The following RPL38 variants were observed in gnomAD, a reference collection of about 807,000 sequenced individuals.
RPL38 encodes the protein ribosomal protein L38, also known as large ribosomal subunit protein eL38.
RPL38 carries 2 observed loss-of-function variants against 12.8 expected under a neutral mutation model. The observed-to-expected ratio is 0.16, with a 90% CI of 0.06 to 0.49. RPL38 has a LOEUF of 0.49. RPL38 is among the 20% of genes least tolerant of loss of function. The pLI, the probability that RPL38 is intolerant of heterozygous loss-of-function variation, is 0.96. For missense variants in RPL38, 52 were observed against 79.8 expected (o/e 0.65, Z 1.33); for synonymous variants, 42 against 30.1 (o/e 1.39, Z -1.29).
intron 3 of RPL38, 136 bp from the exon 4 acceptor site, chr17:74,209,051 G>T: frequency 2.3e-6 from 2 of 879,636 alleles, no homozygotes; most frequent in Non-Finnish European, 1.8e-6. Flanking sequence ...AGTGTTTTCT[G>T]TTTGCACAGA....
intron 4 of RPL38, 97 bp from the exon 5 acceptor site, chr17:74,209,707 C>T (rs2050147315): frequency 4.8e-6 from 5 of 1,032,718 alleles, no homozygotes; most frequent in Non-Finnish European, 7.5e-6. Context: ...ATTTCTGAAC[C>T]TTGTGTGCTC....
chr17:74,206,876 C>G (rs1001476525), intron 3 of RPL38, among the ~76,000 whole-genome samples: 4 of 150,780 alleles, frequency 2.7e-5, no homozygotes, highest in Non-Finnish European at 3.0e-5. Flanking sequence ...CCATGCCGGG[C>G]TAATTTTTTT....
At chr17:74,204,432 C>A (rs1372991618) in intron 3 of RPL38, 1 of 535,830 alleles carries the variant, frequency 1.9e-6, no homozygotes, top group Non-Finnish European at 3.3e-6. Context: ...GCCCTGAGTT[C>A]AGTTTTCTTT....
At chr17:74,204,549 A>G (rs1429436584) in intron 3 of RPL38, 1 of 305,328 alleles carries the variant, frequency 3.3e-6, no homozygotes, top group African/African-American at 2.2e-5. Flanking sequence ...CAAAATCTTA[A>G]CACAAAATCC....
chr17:74,204,612 C>G (rs2050094508), intron 3 of RPL38: 1 of 237,160 alleles, frequency 4.2e-6, no homozygotes, highest in East Asian at 1.1e-4. Flanking sequence ...GCACGGCACA[C>G]TGTGTAGTAT....
intron 2 of RPL38, 70 bp downstream of exon 2, chr17:74,204,028 C>G: frequency 1.2e-6 from 2 of 1,611,618 alleles, no homozygotes. Context: ...GGCGAGAGAG[C>G]CTCCCAAGGA....
chr17:74,209,001 G>T (rs1302009662), intron 3 of RPL38, among the ~76,000 whole-genome samples, 186 bp from the exon 4 acceptor site: 1 of 152,142 alleles, frequency 6.6e-6, no homozygotes, highest in Non-Finnish European at 1.5e-5. Flanking sequence ...GTTGTGTTCA[G>T]TGTACCCAAT....
chr17:74,209,994 T>C lies in RPL38; in HGVS notation c.*165T>C, dbSNP rs567147030. 4.2e-4 allele frequency: 242 copies of C among 574,000 alleles called. 1 individual carries two copies. Among genetic ancestry groups the C allele is most frequent in the East Asian group, 2.1e-3 (71 of 33,212 alleles). 35.6% of individuals were successfully genotyped at this position (574,000 alleles called of 1,614,324 possible). A position where few individuals can be genotyped will look rare whatever the true frequency, so the allele number is the denominator to read the frequency against. ...TTCCTGTGTCTTTTTTTTTTTTTTT[T>C]TTTCTTTCTTTGAGACGGAGTCTTG... On this transcript the variant is annotated 3_prime_UTR_variant, in exon 5 of 5. Transcript: ENST00000311111.
chr17:74,206,006 CGA>C (rs2050110214), intron 3 of RPL38: 1 of 151,932 alleles, frequency 6.6e-6, no homozygotes, highest in African/African-American at 2.4e-5. Context: ...GGTGACAGAG[CGA>C]GACTGTCTCA....
At chr17:74,208,271 A>T (rs1567804548) in intron 3 of RPL38, among the ~76,000 whole-genome samples, 1 of 152,198 alleles carries the variant, frequency 6.6e-6, no homozygotes, top group Admixed American at 6.5e-5. Flanking sequence ...TACTCCTGGG[A>T]AGGGGTTGTC....
intron 3 of RPL38, chr17:74,205,581 G>C (rs2050105717): frequency 6.6e-6 from 1 of 152,202 alleles, no homozygotes; most frequent in Admixed American, 6.5e-5. Context: ...CTGTTGGCTA[G>C]TGTTTTGTGT....
At chr17:74,205,026 G>T (rs2050099548) in intron 3 of RPL38, 1 of 152,184 alleles carries the variant, frequency 6.6e-6, no homozygotes, top group Non-Finnish European at 1.5e-5. Context: ...AATGTATATC[G>T]CATTACCACC....
Position 74,209,975 on chromosome 17 carries a change from T to A in RPL38, c.*146T>A. 1.9e-6 allele frequency: 1 copy of A among 516,196 alleles called. No homozygotes were observed. Among genetic ancestry groups the A allele is most frequent in the Non-Finnish European group, 3.3e-6 (1 of 299,552 alleles). 32.0% of individuals were successfully genotyped at this position (516,196 alleles called of 1,614,324 possible). A position where few individuals can be genotyped will look rare whatever the true frequency, so the allele number is the denominator to read the frequency against. On this transcript the variant is annotated 3_prime_UTR_variant, in exon 5 of 5. Coordinates refer to ENST00000311111, the MANE Select transcript of RPL38 (RefSeq NM_000999.4). ...CGCGGGTTCTGTTGCTGCCTTCCTG[T>A]GTCTTTTTTTTTTTTTTTTTTTCTT...
chr17:74,209,977 TC>T lies in RPL38; in HGVS notation c.*149del, dbSNP rs2050150768. On this transcript the variant is annotated 3_prime_UTR_variant, in exon 5 of 5. Transcript: ENST00000311111. ...CGGGTTCTGTTGCTGCCTTCCTGTG[TC>T]TTTTTTTTTTTTTTTTTTTCTTTCT... The T allele has an allele frequency of 9.8e-5, 49 of 500,322 alleles. No individual in the cohort carries two copies. The highest frequency in any genetic ancestry group is 3.2e-4 in the Middle Eastern group (1 of 3,120). The allele number at this position is 500,322 out of a possible 1,614,324, so 31.0% of individuals were successfully genotyped here. A position where few individuals can be genotyped will look rare whatever the true frequency, so the allele number is the denominator to read the frequency against.
intron 3 of RPL38, among the ~76,000 whole-genome samples, chr17:74,208,585 G>A (rs577729053): frequency 6.6e-6 from 1 of 152,274 alleles, no homozygotes; most frequent in African/African-American, 2.4e-5. Context: ...GCTGAAAAGC[G>A]CTCAGTCCCA....
At chr17:74,204,877 G>A (rs1437010036) in intron 3 of RPL38, 1 of 152,046 alleles carries the variant, frequency 6.6e-6, no homozygotes, top group Non-Finnish European at 1.5e-5. Context: ...TAGAGACAGA[G>A]TTTCACCATG....
In RPL38 at chr17:74,210,016, C is replaced by G; in HGVS notation, c.*187C>G. 1 of 528,594 alleles carries G rather than the reference C, an allele frequency of 1.9e-6. No individual in the cohort carries two copies. Among genetic ancestry groups the G allele is most frequent in the South Asian group, 2.3e-5 (1 of 42,684 alleles). 32.7% of individuals were successfully genotyped at this position (528,594 alleles called of 1,614,324 possible). ...TTTTTTTCTTTCTTTGAGACGGAGT[C>G]TTGCTCTGTGGCTCATCCTGGAGCA... is the stretch of plus-strand genomic sequence containing the variant. On this transcript the variant is annotated 3_prime_UTR_variant, in exon 5 of 5. Transcript: ENST00000311111.
intron 3 of RPL38, among the ~76,000 whole-genome samples, chr17:74,207,519 CTTTT>C (rs960745898): frequency 6.6e-6 from 1 of 150,922 alleles, no homozygotes; most frequent in Non-Finnish European, 1.5e-5. Flanking sequence ...GTTGAGTAAA[CTTTT>C]TTTTTATTTA....
intron 3 of RPL38, among the ~76,000 whole-genome samples, chr17:74,207,134 C>T (rs1372744875): frequency 6.6e-6 from 1 of 152,120 alleles, no homozygotes; most frequent in African/African-American, 2.4e-5. Context: ...ACCTTAGCCT[C>T]CAGAGTCTCT....
Sources: gnomAD v4.1 joint callset for allele counts (sites outside exome capture counted in the v4.1 genomes callset) on GRCh38, gnomAD v4.1.1 for gene constraint, MANE v1.5 for transcripts, NCBI Gene and HGNC (gene_info 2026-07-23, HGNC 2026-07-21) for gene names.